The following SETBP1 variants were observed in gnomAD, a reference collection of about 807,000 sequenced individuals.
SETBP1 encodes SET-binding protein.
In SETBP1, 9 loss-of-function variants were observed where a neutral mutation model predicts 101.0. That is an observed-to-expected ratio of 0.09 (90% CI 0.05 to 0.16). The LOEUF (loss-of-function observed/expected upper bound fraction) is 0.16. Ranked by LOEUF, SETBP1 falls within the 10% of genes least tolerant of loss-of-function variation. SETBP1 has a pLI of 1.00. For missense variants in SETBP1, 1,858 were observed against 2,033.8 expected (o/e 0.91, Z 1.66); for synonymous variants, 818 against 788.5 (o/e 1.04, Z -0.63).
At chr18:44,864,948 G>A (rs563791955) in intron 2 of SETBP1, among the ~76,000 whole-genome samples, 20 of 152,120 alleles carry the variant, frequency 1.3e-4, no homozygotes, top group African/African-American at 4.1e-4. Context: ...GTAGAGAAGG[G>A]TCTAGGATGT....
intron 2 of SETBP1, among the ~76,000 whole-genome samples, chr18:44,854,261 C>G (rs1043849902): frequency 6.6e-6 from 1 of 152,058 alleles, no homozygotes; most frequent in Admixed American, 6.5e-5. Context: ...TCTTCAGTTC[C>G]AAAGAAACTC....
At chr18:44,953,391 G>A (rs1264991018) in intron 4 of SETBP1, 51 bp downstream of exon 4, 1 of 1,509,562 alleles carries the variant, frequency 6.6e-7, no homozygotes, top group Non-Finnish European at 9.1e-7. Flanking sequence ...TCATTGCTGG[G>A]CTTTGCACCT....
At chr18:45,058,034 A>T (rs1264027588) in intron 5 of SETBP1, among the ~76,000 whole-genome samples, 1 of 152,254 alleles carries the variant, frequency 6.6e-6, no homozygotes, top group Admixed American at 6.5e-5. Context: ...CTAGATCTGG[A>T]CCAAAACCAG....
chr18:45,054,938 G>A (rs1444676087), intron 5 of SETBP1, among the ~76,000 whole-genome samples: 1 of 152,124 alleles, frequency 6.6e-6, no homozygotes, highest in African/African-American at 2.4e-5. Context: ...CCATGGATAG[G>A]GCACCCCTCA....
intron 4 of SETBP1, among the ~76,000 whole-genome samples, chr18:45,001,958 A>G (rs997639913): frequency 6.6e-6 from 1 of 152,300 alleles, no homozygotes. Flanking sequence ...TCCAGATCTC[A>G]TGCATTATCC....
chr18:45,005,590 G>A (rs1225095308), intron 4 of SETBP1, among the ~76,000 whole-genome samples: 5 of 151,286 alleles, frequency 3.3e-5, no homozygotes, highest in Admixed American at 2.6e-4. Flanking sequence ...GCCTTCAAAG[G>A]TACTCCAGGC....
intron 2 of SETBP1, among the ~76,000 whole-genome samples, chr18:44,823,236 G>C (rs1234236681): frequency 3.3e-5 from 5 of 152,210 alleles, no homozygotes; most frequent in Non-Finnish European, 5.9e-5. Flanking sequence ...AAATCTTAGA[G>C]TGGATACTGG....
At chr18:45,036,130 G>C (rs1200078783) in intron 4 of SETBP1, among the ~76,000 whole-genome samples, 2 of 152,010 alleles carry the variant, frequency 1.3e-5, no homozygotes, top group Admixed American at 6.6e-5. Context: ...TCAGGAGATC[G>C]AGACCATCCT....
At position 44,714,216 on chromosome 18, in the gene SETBP1, T is replaced by G. The variant is rs1356797078; in HGVS notation, c.486+12384T>G. On this transcript the variant is annotated intron_variant, in intron 2 of 5. Transcript: ENST00000649279. Reference sequence around the variant, plus strand: ...TTCTTCTTAGGTCTCCTTTTTTTTTTGAGAAGGAGTCTTGCTCTGTCACCC... The same window carrying G: ...TTCTTCTTAGGTCTCCTTTTTTTTTGGAGAAGGAGTCTTGCTCTGTCACCC... Among the ~76,000 whole-genome samples the G allele has an allele frequency of 2.0e-5, 3 of 152,160 alleles. No homozygotes were observed. In the East Asian group the frequency reaches 5.8e-4, roughly 29 times the overall value.
chr18:44,821,604 C>G (rs1187597911), intron 2 of SETBP1, among the ~76,000 whole-genome samples: 1 of 152,192 alleles, frequency 6.6e-6, no homozygotes, highest in Non-Finnish European at 1.5e-5. Context: ...CCTTTCTTCT[C>G]CCCCTGGTTT....
At chr18:44,683,926 G>A (rs920693588) in intron 1 of SETBP1, among the ~76,000 whole-genome samples, 7 of 152,220 alleles carry the variant, frequency 4.6e-5, no homozygotes, top group Non-Finnish European at 1.0e-4. Flanking sequence ...CATTAGTATT[G>A]TAAGGAGGAG....
intron 5 of SETBP1, among the ~76,000 whole-genome samples, chr18:45,052,456 G>A (rs1263144674): frequency 2.0e-5 from 3 of 152,210 alleles, no homozygotes; most frequent in Non-Finnish European, 2.9e-5. Context: ...CTGGAACAAT[G>A]CCTGGTATTG....
At chr18:44,707,389 AT>A (rs1248658042) in intron 2 of SETBP1, among the ~76,000 whole-genome samples, 1 of 152,108 alleles carries the variant, frequency 6.6e-6, no homozygotes, top group Non-Finnish European at 1.5e-5. Flanking sequence ...TACAAATTTT[AT>A]TTGCTTTTGA....
chr18:44,744,199 T>G (rs1276997124), intron 2 of SETBP1, among the ~76,000 whole-genome samples: 1 of 152,232 alleles, frequency 6.6e-6, no homozygotes, highest in African/African-American at 2.4e-5. Flanking sequence ...CCTGGGTCTC[T>G]GGGGACTGGA....
At chr18:45,043,572 A>C (rs1466502911) in intron 5 of SETBP1, among the ~76,000 whole-genome samples, 1 of 152,242 alleles carries the variant, frequency 6.6e-6, no homozygotes, top group African/African-American at 2.4e-5. Context: ...ATCAAGGCTA[A>C]TCCATTATTA....
intron 2 of SETBP1, among the ~76,000 whole-genome samples, chr18:44,702,244 A>G (rs1196357465): frequency 6.6e-6 from 1 of 152,230 alleles, no homozygotes; most frequent in Non-Finnish European, 1.5e-5. Context: ...GCTGAGGATG[A>G]GGAAGAAGAG....
Position 44,935,870 on chromosome 18 carries a change from T to A in SETBP1, c.541-14011T>A, listed in dbSNP as rs191586462. 2.6e-3 allele frequency among the ~76,000 whole-genome samples: 391 copies of A among 152,146 alleles called. 1 individual carries two copies. The highest frequency in any genetic ancestry group is 1.5e-3 in the Non-Finnish European group (105 of 67,994). On this transcript the variant is annotated intron_variant, in intron 3 of 5. Transcript: ENST00000649279. Reference sequence around the variant, plus strand: ...GCCCTGCCTTTCAAGGGGCTACAGGTTTTTACTGATAGGACATTCACACGT... The same window carrying A: ...GCCCTGCCTTTCAAGGGGCTACAGGATTTTACTGATAGGACATTCACACGT...
intron 3 of SETBP1, among the ~76,000 whole-genome samples, chr18:44,926,407 G>A (rs200204922): frequency 6.6e-6 from 1 of 152,198 alleles, no homozygotes; most frequent in East Asian, 1.9e-4. Context: ...GATTTTGTCT[G>A]ATGGTTAGTG....
At chr18:45,000,781 G>A (rs1006987550) in intron 4 of SETBP1, among the ~76,000 whole-genome samples, 13 of 115,758 alleles carry the variant, frequency 1.1e-4, no homozygotes, top group South Asian at 3.2e-4. Flanking sequence ...ATACATCAAC[G>A]GGAATGCACA....
Sources: allele counts gnomAD v4.1 joint callset (sites outside exome capture counted in the v4.1 genomes callset), GRCh38; gene constraint gnomAD v4.1.1; transcripts MANE v1.5; gene names NCBI Gene and HGNC (gene_info 2026-07-23, HGNC 2026-07-21).